Variants in NBEA observed in about 807,000 individuals in gnomAD.
The protein encoded by NBEA is lysosomal-trafficking regulator 2.
In NBEA, 44 loss-of-function variants were observed where a neutral mutation model predicts 343.4. That is an observed-to-expected ratio of 0.13 (90% CI 0.10 to 0.16). NBEA has a LOEUF of 0.16. Ranked by LOEUF, NBEA falls within the 10% of genes least tolerant of loss-of-function variation. The pLI, the probability that NBEA is intolerant of heterozygous loss-of-function variation, is 1.00. For synonymous variants in NBEA, 1,175 were observed against 1,238.7 expected (o/e 0.95, Z 1.08); for missense variants, 2,555 against 3,631.3 (o/e 0.70, Z 7.62).
At chr13:35,162,639 G>A (rs570595204) in intron 23 of NBEA, among the ~76,000 whole-genome samples, 80 of 149,960 alleles carry the variant, frequency 5.3e-4, no homozygotes, top group Non-Finnish European at 8.4e-4. Flanking sequence ...AAGGAAGCCC[G>A]TCAAGAAATT....
chr13:35,558,951 A>G (rs1301883409), intron 44 of NBEA, among the ~76,000 whole-genome samples: 1 of 152,242 alleles, frequency 6.6e-6, no homozygotes, highest in Admixed American at 6.5e-5. Context: ...TGTCAGATGT[A>G]GATGACTATC....
chr13:35,159,470 A>G lies in NBEA; in HGVS notation c.3299A>G (p.Tyr1100Cys). Residue 1100 changes from tyrosine to cysteine, a missense_variant, in exon 22 of 59, where the codon TAT becomes TGT. This residue lies in a region of NBEA where 367 missense variants were observed against 377.5 expected (regional missense o/e 0.97). Coordinates refer to ENST00000379939, the MANE Select transcript of NBEA (RefSeq NM_001385012.1). ...GTTGAATCTCTGTTGGATAATGTATATAGTGCTGCTGTTGAGAAACTCCAG... is the reference window on the plus strand; with the variant it reads ...GTTGAATCTCTGTTGGATAATGTATGTAGTGCTGCTGTTGAGAAACTCCAG... ...VEVESLLDNV[Y>C]SAAVEKLQNN... 6 of 1,613,474 alleles carry G rather than the reference A, an allele frequency of 3.7e-6. No homozygotes were observed. The highest frequency in any genetic ancestry group is 5.1e-6 in the Non-Finnish European group (6 of 1,179,664).
At chr13:35,563,053 C>T (rs760894074) in intron 44 of NBEA, among the ~76,000 whole-genome samples, 6 of 151,530 alleles carry the variant, frequency 4.0e-5, no homozygotes, top group Admixed American at 2.0e-4. Context: ...CATAGGCTTG[C>T]GGTATTTAAT....
chr13:35,317,737 G>A (rs563336791), intron 36 of NBEA, among the ~76,000 whole-genome samples: 7 of 152,280 alleles, frequency 4.6e-5, no homozygotes, highest in Non-Finnish European at 8.8e-5. Flanking sequence ...CTATCCATGA[G>A]CATGGAGTGT....
At chr13:35,378,739 T>C (rs9600650) in intron 38 of NBEA, among the ~76,000 whole-genome samples, 196 of 151,960 alleles carry the variant, frequency 1.3e-3, no homozygotes, top group African/African-American at 4.7e-3. Flanking sequence ...AAGGCACCTA[T>C]GCACTTACCA....
Position 35,195,875 on chromosome 13 carries a change from G to T in NBEA, c.4939G>T (p.Ala1647Ser). Residue 1647 changes from alanine (A) to serine (S), a missense_variant, in exon 31 of 59, where the codon GCA becomes TCA. Physicochemically the swap from Ala to Ser is moderately conservative, Grantham distance 99. This residue lies in a region of NBEA where 270 missense variants were observed against 293.3 expected (regional missense o/e 0.92). Coordinates refer to ENST00000379939, the MANE Select transcript of NBEA (RefSeq NM_001385012.1). Reference protein sequence around the residue: ...GHSFYKETPAAFPDTIKEKET... With the variant: ...GHSFYKETPASFPDTIKEKET... ...TTCTTTCATTACAGAAACACCTGCTGCATTTCCAGACACCATAAAAGAAAA... is the reference window on the plus strand; with the variant it reads ...TTCTTTCATTACAGAAACACCTGCTTCATTTCCAGACACCATAAAAGAAAA... The T allele has an allele frequency of 1.9e-6, 3 of 1,587,530 alleles. No homozygotes were observed. Among genetic ancestry groups the T allele is most frequent in the Non-Finnish European group, 2.6e-6 (3 of 1,171,634 alleles).
chr13:35,251,307 C>T (rs2031927442), intron 34 of NBEA: 1 of 792,016 alleles, frequency 1.3e-6, no homozygotes, highest in Non-Finnish European at 1.6e-6. Context: ...CATCCCTGTG[C>T]ATCCGCTTCC....
chr13:35,227,461 G>A (rs545355314), intron 33 of NBEA, among the ~76,000 whole-genome samples: 19 of 151,970 alleles, frequency 1.3e-4, no homozygotes, highest in South Asian at 2.1e-4. Context: ...TTCACTTACC[G>A]ATGCCTACAT....
intron 35 of NBEA, among the ~76,000 whole-genome samples, chr13:35,295,354 C>G (rs1441621008): frequency 1.3e-5 from 2 of 151,730 alleles, no homozygotes; most frequent in African/African-American, 4.8e-5. Flanking sequence ...AGAAGAGCCA[C>G]TTTTTCATTT....
intron 38 of NBEA, among the ~76,000 whole-genome samples, chr13:35,358,183 A>C (rs2040603005): frequency 6.6e-6 from 1 of 151,488 alleles, no homozygotes; most frequent in Non-Finnish European, 1.5e-5. Flanking sequence ...CACCACACCC[A>C]GCTAATTTTT....
At chr13:35,187,476 T>C (rs549527404) in intron 30 of NBEA, among the ~76,000 whole-genome samples, 2 of 149,876 alleles carry the variant, frequency 1.3e-5, no homozygotes, top group South Asian at 2.1e-4. Context: ...TTTAATATAA[T>C]AAATATTTTA....
chr13:35,286,988 T>G (rs1178239934), intron 34 of NBEA, among the ~76,000 whole-genome samples: 1 of 152,038 alleles, frequency 6.6e-6, no homozygotes, highest in Non-Finnish European at 1.5e-5. Context: ...CAAGTACTTG[T>G]ATCTTAGCCA....
chr13:35,501,437 G>T lies in NBEA; in HGVS notation c.6585+28901G>T, dbSNP rs531135453. 2.0e-5 allele frequency among the ~76,000 whole-genome samples: 3 copies of T among 152,122 alleles called. No homozygotes were observed. The South Asian group carries it at 6.2e-4, about 32-fold the overall frequency. ...GATATATATGACTGTTAATCCTCAA[G>T]AATATTTGGGCTCTCCATTTTTAAA... is the stretch of plus-strand genomic sequence containing the variant. On this transcript the variant is annotated intron_variant, in intron 41 of 58. Transcript: ENST00000379939.
intron 1 of NBEA, among the ~76,000 whole-genome samples, chr13:34,943,339 A>G (rs543717042): frequency 2.0e-5 from 3 of 152,180 alleles, no homozygotes; most frequent in African/African-American, 7.2e-5. Flanking sequence ...ACCTGAGCGC[A>G]GTGCCCAACT....
intron 41 of NBEA, among the ~76,000 whole-genome samples, chr13:35,532,141 G>A (rs767811229): frequency 9.2e-5 from 14 of 152,136 alleles, no homozygotes; most frequent in Non-Finnish European, 1.8e-4. Flanking sequence ...CTATTTTGGA[G>A]CTAAAAAGTT....
intron 4 of NBEA, 84 bp from the exon 5 acceptor site, chr13:35,048,479 T>A (rs1270955527): frequency 8.0e-7 from 1 of 1,247,558 alleles, no homozygotes; most frequent in African/African-American, 1.5e-5. Flanking sequence ...GATTGTTATT[T>A]AATCTGCAAA....
chr13:35,194,304 G>T (rs1463075722), intron 30 of NBEA, among the ~76,000 whole-genome samples: 2 of 152,006 alleles, frequency 1.3e-5, no homozygotes, highest in Non-Finnish European at 2.9e-5. Context: ...ACTTCTACTA[G>T]AGATTTCACA....
chr13:35,210,277 AGTGT>A (rs560748566), intron 32 of NBEA, among the ~76,000 whole-genome samples: 4 of 150,022 alleles, frequency 2.7e-5, no homozygotes, highest in Non-Finnish European at 4.5e-5. Context: ...ACTTCTTAAA[AGTGT>A]GTGTGTGTGT....
At chr13:35,277,783 A>T (rs981081716) in intron 34 of NBEA, among the ~76,000 whole-genome samples, 1 of 151,964 alleles carries the variant, frequency 6.6e-6, no homozygotes, top group African/African-American at 2.4e-5. Context: ...ATAGAAAGGG[A>T]CAAAATTAAA....
Sources: gnomAD v4.1 joint callset for allele counts (sites outside exome capture counted in the v4.1 genomes callset) on GRCh38, gnomAD v4.1.1 for gene constraint, gnomAD v4.1.1 regional missense constraint, MANE v1.5 for transcripts, NCBI Gene and HGNC (gene_info 2026-07-23, HGNC 2026-07-21) for gene names.